The following SAMD5 variants were observed in gnomAD, a reference collection of about 807,000 sequenced individuals.
The protein encoded by SAMD5 is sterile alpha motif domain-containing protein 5.
A neutral mutation model predicts 11.3 loss-of-function variants in SAMD5; 13 were observed. The ratio of observed to expected loss-of-function variants is 1.15; its 90% confidence interval spans 0.75 to 1.83. The LOEUF is 1.83. Ranked by LOEUF, SAMD5 falls within the 40% of genes most tolerant of loss-of-function variation. The probability of loss-of-function intolerance (pLI) is 0.00; values close to 1 mark genes in which losing one functional copy is unlikely to be tolerated. For synonymous variants in SAMD5, 129 were observed against 111.3 expected (o/e 1.16, Z -1.00); for missense variants, 255 against 239.1 (o/e 1.07, Z -0.44).
chr6:147,757,421 A>C, the SAMD5 span, among the ~76,000 whole-genome samples: 469 of 152,266 alleles, frequency 3.1e-3, 4 homozygotes, highest in African/African-American at 0.011. Context: ...ATACTCACAG[A>C]TGTCCTCATT....
At chr6:147,813,407 A>G in the SAMD5 span, among the ~76,000 whole-genome samples, 3 of 152,226 alleles carry the variant, frequency 2.0e-5, no homozygotes, top group Non-Finnish European at 2.9e-5. Flanking sequence ...AAGTTGGGAA[A>G]TTGTAGTAAA....
the SAMD5 span, among the ~76,000 whole-genome samples, chr6:147,753,403 C>T: frequency 9.2e-5 from 14 of 152,128 alleles, no homozygotes; most frequent in Non-Finnish European, 1.6e-4. Flanking sequence ...ACTTCATTCT[C>T]ATTAGTACAA....
At chr6:147,838,535 C>CCG in the SAMD5 span, among the ~76,000 whole-genome samples, 8 of 142,894 alleles carry the variant, frequency 5.6e-5, 1 homozygote, top group African/African-American at 1.6e-4. Flanking sequence ...TATCCTGCCC[C>CCG]CCCCCCGTAG....
chr6:147,945,406 G>T, the SAMD5 span, among the ~76,000 whole-genome samples: 1 of 152,232 alleles, frequency 6.6e-6, no homozygotes, highest in East Asian at 1.9e-4. Flanking sequence ...TTGAAGAACA[G>T]AACAATATAT....
intron 1 of SAMD5, among the ~76,000 whole-genome samples, chr6:147,674,602 G>A (rs1232554570): frequency 1.3e-5 from 2 of 152,124 alleles, no homozygotes; most frequent in South Asian, 2.1e-4. Context: ...GTTCAGCTAC[G>A]GAGGATCCCT....
intron 1 of SAMD5, among the ~76,000 whole-genome samples, chr6:147,613,069 C>T (rs1416044662): frequency 6.6e-6 from 1 of 152,102 alleles, no homozygotes; most frequent in Non-Finnish European, 1.5e-5. Flanking sequence ...TGTGTAGTGG[C>T]ATGCGCCCAT....
the SAMD5 span, among the ~76,000 whole-genome samples, chr6:147,912,282 A>G: frequency 6.6e-6 from 1 of 152,218 alleles, no homozygotes; most frequent in Non-Finnish European, 1.5e-5. Flanking sequence ...TCTTGCAATC[A>G]GTTTATGTAG....
At chr6:147,915,908 C>T in the SAMD5 span, among the ~76,000 whole-genome samples, 1 of 124,706 alleles carries the variant, frequency 8.0e-6, no homozygotes, top group Non-Finnish European at 1.7e-5. Context: ...CCCCTCCCCC[C>T]ACCCCACAAC....
chr6:147,795,372 A>G, the SAMD5 span, among the ~76,000 whole-genome samples: 1 of 140,974 alleles, frequency 7.1e-6, no homozygotes, highest in African/African-American at 2.9e-5. Context: ...AATTTCATCC[A>G]TGTCCCTACA....
chr6:147,902,154 C>A, the SAMD5 span, among the ~76,000 whole-genome samples: 2 of 151,984 alleles, frequency 1.3e-5, no homozygotes, highest in African/African-American at 4.8e-5. Flanking sequence ...AAAAAGCAAT[C>A]ATTCCTGGTC....
the SAMD5 span, among the ~76,000 whole-genome samples, chr6:147,917,771 C>T: frequency 2.4e-3 from 373 of 152,326 alleles, 8 homozygotes; most frequent in South Asian, 0.014. Context: ...CAGCTTTCTA[C>T]ATATGGCTAG....
the SAMD5 span, among the ~76,000 whole-genome samples, chr6:147,848,097 CT>C: frequency 6.6e-6 from 1 of 152,082 alleles, no homozygotes; most frequent in South Asian, 2.1e-4. Flanking sequence ...AGAAAATGTG[CT>C]TGATGAAATC....
At chr6:147,564,104 A>ATT (rs11287852) in intron 1 of SAMD5, among the ~76,000 whole-genome samples, 1 of 151,636 alleles carries the variant, frequency 6.6e-6, no homozygotes, top group African/African-American at 2.4e-5. Context: ...TTATCTAACC[A>ATT]TTTTTTTTTA....
the SAMD5 span, among the ~76,000 whole-genome samples, chr6:147,868,671 G>T: frequency 6.6e-6 from 1 of 152,194 alleles, no homozygotes; most frequent in South Asian, 2.1e-4. Context: ...AGGCTCTCAA[G>T]TCTGTGACAG....
the SAMD5 span, among the ~76,000 whole-genome samples, chr6:147,925,793 C>T: frequency 1.7e-4 from 25 of 150,730 alleles, no homozygotes; most frequent in Non-Finnish European, 2.7e-4. Flanking sequence ...GATACTAAGC[C>T]TAGTACCCAG....
chr6:147,617,943 G>C (rs1161677925), intron 1 of SAMD5, among the ~76,000 whole-genome samples: 1 of 152,128 alleles, frequency 6.6e-6, no homozygotes, highest in East Asian at 1.9e-4. Context: ...TATTGATTCT[G>C]TCATTATATC....
At chr6:147,779,721 G>C in the SAMD5 span, among the ~76,000 whole-genome samples, 1 of 152,148 alleles carries the variant, frequency 6.6e-6, no homozygotes, top group Non-Finnish European at 1.5e-5. Flanking sequence ...GTTCCTCCTG[G>C]AGAGATAGCA....
At chr6:147,940,581 C>T in the SAMD5 span, among the ~76,000 whole-genome samples, 1 of 152,168 alleles carries the variant, frequency 6.6e-6, no homozygotes, top group Admixed American at 6.6e-5. Flanking sequence ...AATATTTCTG[C>T]AGTGTCAGCA....
the SAMD5 span, among the ~76,000 whole-genome samples, chr6:147,928,833 C>T: frequency 1.3e-5 from 2 of 152,122 alleles, no homozygotes; most frequent in Non-Finnish European, 2.9e-5. Flanking sequence ...ACTGCCTTAG[C>T]TGTGTCCCAG....
Sources: allele counts gnomAD v4.1 joint callset (sites outside exome capture counted in the v4.1 genomes callset), GRCh38; gene constraint gnomAD v4.1.1; transcripts MANE v1.5; gene names NCBI Gene and HGNC (gene_info 2026-07-23, HGNC 2026-07-21).